Variants in DRD2 observed in about 807,000 individuals in gnomAD.
DRD2 encodes D(2) dopamine receptor.
In DRD2, 8 loss-of-function variants were observed where a neutral mutation model predicts 38.0. The observed-to-expected ratio is 0.21, with a 90% confidence interval of 0.12 to 0.38. The LOEUF is 0.38. Ranked by LOEUF, DRD2 falls within the 10% of genes least tolerant of loss-of-function variation. DRD2 has a pLI of 1.00. For missense variants in DRD2, 403 were observed against 607.7 expected (o/e 0.66, Z 3.54); for synonymous variants, 230 against 238.6 (o/e 0.96, Z 0.33).
chr11:113,420,573 T>C (rs1591278340), intron 2 of DRD2, among the ~76,000 whole-genome samples: 1 of 152,354 alleles, frequency 6.6e-6, no homozygotes, highest in East Asian at 1.9e-4. Flanking sequence ...GTGAGGGAAC[T>C]GAAGCCCAGA....
At chr11:113,429,393 C>T (rs1375200526) in intron 1 of DRD2, among the ~76,000 whole-genome samples, 5 of 152,110 alleles carry the variant, frequency 3.3e-5, no homozygotes, top group South Asian at 2.1e-4. Context: ...TACAGGTGCC[C>T]GCCACCATGT....
At chr11:113,444,093 T>G (rs1034769320) in intron 1 of DRD2, among the ~76,000 whole-genome samples, 4 of 152,218 alleles carry the variant, frequency 2.6e-5, no homozygotes, top group African/African-American at 7.2e-5. Flanking sequence ...TGGAGTGCAG[T>G]GGCACAATTT....
intron 1 of DRD2, among the ~76,000 whole-genome samples, chr11:113,467,800 C>T (rs148062731): frequency 2.0e-5 from 3 of 152,312 alleles, no homozygotes; most frequent in African/African-American, 7.2e-5. Context: ...AATTCAGCTG[C>T]ACCTAAATCA....
intron 1 of DRD2, among the ~76,000 whole-genome samples, chr11:113,455,089 A>G (rs1591298891): frequency 2.0e-5 from 3 of 152,186 alleles, no homozygotes; most frequent in South Asian, 4.1e-4. Context: ...TGGCTCATGC[A>G]TGTAATCTCA....
rs150419834 is a variant in DRD2 at position 113,448,666 on chromosome 11, C to T, written c.-31-23984G>A. Reference sequence around the variant, plus strand: ...CATCCAAGGGCACGGGTACAGCAGTCTATTCTGTCTCTTCCTCAAGCTCAT... The same window carrying T: ...CATCCAAGGGCACGGGTACAGCAGTTTATTCTGTCTCTTCCTCAAGCTCAT... On this transcript the variant is annotated intron_variant, in intron 1 of 7. Transcript: ENST00000362072. 1.0e-3 allele frequency among the ~76,000 whole-genome samples: 158 copies of T among 152,332 alleles called. 1 individual carries two copies. Among genetic ancestry groups the T allele is most frequent in the African/African-American group, 2.9e-3 (122 of 41,574 alleles).
chr11:113,413,882 T>C (rs1165659846), intron 6 of DRD2: 3 of 243,646 alleles, frequency 1.2e-5, no homozygotes, highest in South Asian at 5.5e-5. Flanking sequence ...CCCCAGAACC[T>C]GCCCATCCAT....
intron 1 of DRD2, among the ~76,000 whole-genome samples, chr11:113,435,028 C>A (rs571728486): frequency 1.4e-4 from 22 of 152,218 alleles, no homozygotes; most frequent in Non-Finnish European, 7.3e-5. Flanking sequence ...CAGACAACCC[C>A]GCTCTCTGCT....
intron 1 of DRD2, among the ~76,000 whole-genome samples, chr11:113,458,960 A>T (rs1323296879): frequency 1.3e-5 from 2 of 152,192 alleles, no homozygotes; most frequent in Non-Finnish European, 1.5e-5. Flanking sequence ...TATATATCAT[A>T]ATGAAAGTGA....
At chr11:113,434,148 G>A (rs1383665972) in intron 1 of DRD2, among the ~76,000 whole-genome samples, 7 of 152,202 alleles carry the variant, frequency 4.6e-5, no homozygotes, top group Non-Finnish European at 5.9e-5. Flanking sequence ...TTCACAACAC[G>A]TGTGCTCCTC....
Position 113,424,520 on chromosome 11 carries a change from G to T in DRD2, c.132C>A (p.Leu44=). Residue 44 remains leucine, a synonymous_variant, in exon 2 of 8, where the codon CTC becomes CTA. Transcript: ENST00000362072. ...YNYYATLLTL[L]IAVIVFGNVL... Reference sequence around the variant, plus strand: ...CGTTGCCGAAGACGATGACAGCGATGAGCAGGGTGAGCAGTGTGGCATAGT... The same window carrying T: ...CGTTGCCGAAGACGATGACAGCGATTAGCAGGGTGAGCAGTGTGGCATAGT... 6.2e-7 allele frequency: 1 copy of T among 1,614,256 alleles called. No individual in the cohort carries two copies. The highest frequency in any genetic ancestry group is 8.5e-7 in the Non-Finnish European group (1 of 1,180,054).
chr11:113,411,039 C>G, intron 7 of DRD2, 119 bp from the exon 8 acceptor site: 1 of 1,111,978 alleles, frequency 9.0e-7, no homozygotes, highest in Non-Finnish European at 1.3e-6. Flanking sequence ...CACAGAAGCA[C>G]TGTAGGAGGA....
intron 1 of DRD2, among the ~76,000 whole-genome samples, chr11:113,452,949 G>A (rs1289081361): frequency 2.0e-5 from 3 of 152,022 alleles, no homozygotes; most frequent in African/African-American, 7.2e-5. Flanking sequence ...ACCCTGCCCA[G>A]CCACTATCCC....
chr11:113,424,725 C>T, intron 1 of DRD2, 43 bp from the exon 2 acceptor site: 1 of 1,589,248 alleles, frequency 6.3e-7, no homozygotes, highest in Middle Eastern at 1.7e-4. Flanking sequence ...GAGAGGGCCT[C>T]TTGCAGAGGT....
chr11:113,449,805 A>C, intron 1 of DRD2, among the ~76,000 whole-genome samples: 1 of 152,252 alleles, frequency 6.6e-6, no homozygotes, highest in East Asian at 1.9e-4. Context: ...AATTGGAGCC[A>C]GAGAGAGACT....
At chr11:113,432,097 G>A (rs1950992575) in intron 1 of DRD2, among the ~76,000 whole-genome samples, 1 of 152,228 alleles carries the variant, frequency 6.6e-6, no homozygotes, top group Admixed American at 6.5e-5. Flanking sequence ...GCTCCTTTAA[G>A]GCTCAGCAGT....
intron 5 of DRD2, 159 bp downstream of exon 5, chr11:113,415,262 A>G: frequency 1.2e-6 from 1 of 834,328 alleles, no homozygotes; most frequent in Non-Finnish European, 1.8e-6. Flanking sequence ...ACTGAGGTCC[A>G]TGCCTTCAAA....
chr11:113,435,079 G>A (rs1951023374), intron 1 of DRD2, among the ~76,000 whole-genome samples: 1 of 152,206 alleles, frequency 6.6e-6, no homozygotes, highest in South Asian at 2.1e-4. Flanking sequence ...CTGCTCAGGT[G>A]TCCCTGGGAG....
intron 2 of DRD2, among the ~76,000 whole-genome samples, chr11:113,420,224 C>T (rs1475517141): frequency 6.6e-6 from 1 of 152,204 alleles, no homozygotes; most frequent in African/African-American, 2.4e-5. Flanking sequence ...TTCTGCCATC[C>T]CTTCTTTCCT....
intron 1 of DRD2, among the ~76,000 whole-genome samples, chr11:113,429,810 T>G (rs759151674): frequency 6.6e-6 from 1 of 152,204 alleles, no homozygotes; most frequent in South Asian, 2.1e-4. Flanking sequence ...TTTACTAACT[T>G]TGGGGCCTCA....
Sources: gnomAD v4.1 joint callset for allele counts (sites outside exome capture counted in the v4.1 genomes callset) on GRCh38, gnomAD v4.1.1 for gene constraint, MANE v1.5 for transcripts, NCBI Gene and HGNC (gene_info 2026-07-23, HGNC 2026-07-21) for gene names.